LRFN2: variants seen among roughly 807,000 people sequenced by gnomAD.
LRFN2 encodes leucine rich repeat and fibronectin type III domain containing 2.
LRFN2 carries 18 observed loss-of-function variants against 37.3 expected under a neutral mutation model. The ratio of observed to expected loss-of-function variants is 0.48; its 90% CI spans 0.33 to 0.72. The LOEUF is 0.72. Ranked by LOEUF, LRFN2 falls within the 30% of genes least tolerant of loss-of-function variation. LRFN2 has a pLI of 0.02. For missense variants in LRFN2, 1,006 were observed against 1,060.7 expected (o/e 0.95, Z 0.72); for synonymous variants, 556 against 466.6 (o/e 1.19, Z -2.47).
At chr6:40,512,306 C>A (rs1292729389) in intron 1 of LRFN2, among the ~76,000 whole-genome samples, 1 of 152,214 alleles carries the variant, frequency 6.6e-6, no homozygotes, top group Admixed American at 6.5e-5. Flanking sequence ...AACACTGCCA[C>A]ATTCTGTCAA....
chr6:40,545,394 A>G (rs1230206518), intron 1 of LRFN2, among the ~76,000 whole-genome samples: 1 of 152,200 alleles, frequency 6.6e-6, no homozygotes. Flanking sequence ...ACTCACTCAT[A>G]ATGCAGAGCA....
At chr6:40,461,602 C>T (rs992468280) in intron 1 of LRFN2, among the ~76,000 whole-genome samples, 6 of 148,700 alleles carry the variant, frequency 4.0e-5, no homozygotes, top group African/African-American at 1.2e-4. Context: ...AAAAAAAAAC[C>T]CTCCCTTCAA....
chr6:40,403,448 CTG>C (rs1399940872), intron 2 of LRFN2, among the ~76,000 whole-genome samples: 18 of 152,142 alleles, frequency 1.2e-4, no homozygotes, highest in African/African-American at 4.3e-4. Context: ...GGGCTGGCCT[CTG>C]TCCCTGTTCT....
At chr6:40,500,977 A>G (rs1765368824) in intron 1 of LRFN2, among the ~76,000 whole-genome samples, 1 of 146,476 alleles carries the variant, frequency 6.8e-6, no homozygotes. Context: ...CATTGAGCAT[A>G]TATTACTCTA....
chr6:40,584,814 T>TG (rs949599550), intron 1 of LRFN2, among the ~76,000 whole-genome samples: 13 of 149,728 alleles, frequency 8.7e-5, no homozygotes, highest in Non-Finnish European at 1.5e-5. Context: ...CCAGAATCCC[T>TG]GTTTTTTTTT....
intron 1 of LRFN2, among the ~76,000 whole-genome samples, chr6:40,562,780 G>A (rs939982293): frequency 2.0e-5 from 3 of 151,648 alleles, no homozygotes; most frequent in Non-Finnish European, 2.9e-5. Context: ...TGACTCCTAA[G>A]CCTCCATGGT....
intron 1 of LRFN2, among the ~76,000 whole-genome samples, chr6:40,545,320 G>T (rs1766637713): frequency 6.6e-6 from 1 of 152,250 alleles, no homozygotes; most frequent in African/African-American, 2.4e-5. Flanking sequence ...ACAGAATGAA[G>T]GTGGTGTGGT....
intron 1 of LRFN2, among the ~76,000 whole-genome samples, chr6:40,517,824 C>A (rs543775341): frequency 2.0e-5 from 3 of 152,134 alleles, no homozygotes; most frequent in South Asian, 2.1e-4. Context: ...GGATTAACTG[C>A]CCTTTGGAAT....
At chr6:40,503,316 G>C (rs552138525) in intron 1 of LRFN2, among the ~76,000 whole-genome samples, 1 of 152,166 alleles carries the variant, frequency 6.6e-6, no homozygotes, top group African/African-American at 2.4e-5. Context: ...ACTGGAGAGA[G>C]ATCAGTTCTC....
intron 1 of LRFN2, among the ~76,000 whole-genome samples, chr6:40,562,761 C>T (rs879558580): frequency 5.3e-5 from 8 of 151,824 alleles, no homozygotes; most frequent in Non-Finnish European, 1.2e-4. Flanking sequence ...TGAAGACATT[C>T]CTAGAAATTG....
At chr6:40,434,464 C>G (rs1358571578) in intron 1 of LRFN2, among the ~76,000 whole-genome samples, 1 of 151,622 alleles carries the variant, frequency 6.6e-6, no homozygotes, top group African/African-American at 2.4e-5. Flanking sequence ...CAGCATTTCT[C>G]AAATTGCCTT....
chr6:40,531,293 A>G (rs1766336537), intron 1 of LRFN2, among the ~76,000 whole-genome samples: 1 of 152,204 alleles, frequency 6.6e-6, no homozygotes, highest in Admixed American at 6.5e-5. Context: ...TCGGTTGTTC[A>G]TGACTGTTGC....
chr6:40,392,411 C>A lies in LRFN2; in HGVS notation c.1902G>T (p.Gly634=). 6.4e-7 allele frequency: 1 copy of A among 1,569,838 alleles called. No homozygotes were observed. The change falls in exon 3 of 3, where the codon GGG becomes GGT. Residue 634 remains glycine (G), a synonymous_variant. Coordinates refer to ENST00000338305, the MANE Select transcript of LRFN2 (RefSeq NM_020737.3). The surrounding 1 kb of genome is among the most constrained non-coding windows in gnomAD (Gnocchi z 4.7). ...SSSLGSGEAA[G]LGRAPWRIPP... is the part of the protein sequence containing the mutation. ...GGATCCTCCAGGGGGCCCGTCCCAGCCCCGCAGCCTCCCCACTGCCCAGGG... is the reference window on the plus strand; with the variant it reads ...GGATCCTCCAGGGGGCCCGTCCCAGACCCGCAGCCTCCCCACTGCCCAGGG...
intron 2 of LRFN2, among the ~76,000 whole-genome samples, chr6:40,411,916 G>A (rs1490471427): frequency 6.6e-6 from 1 of 152,108 alleles, no homozygotes; most frequent in Non-Finnish European, 1.5e-5. Flanking sequence ...AGGATTGCCA[G>A]CTGTTTTGTT....
chr6:40,571,348 TG>T (rs768351308), intron 1 of LRFN2, among the ~76,000 whole-genome samples: 2 of 152,196 alleles, frequency 1.3e-5, no homozygotes, highest in Non-Finnish European at 2.9e-5. Context: ...TTCATTGATC[TG>T]GGGACTTCAC....
intron 1 of LRFN2, among the ~76,000 whole-genome samples, chr6:40,470,903 C>A (rs997773893): frequency 6.6e-6 from 1 of 152,178 alleles, no homozygotes; most frequent in Non-Finnish European, 1.5e-5. Context: ...CCACAGATGC[C>A]TGGAATGTCA....
At chr6:40,403,256 T>A (rs1762777484) in intron 2 of LRFN2, among the ~76,000 whole-genome samples, 2 of 152,182 alleles carry the variant, frequency 1.3e-5, no homozygotes, top group Non-Finnish European at 2.9e-5. Flanking sequence ...TTGTACAGCC[T>A]ACTGGTGACT....
chr6:40,455,163 T>G (rs1312888362), intron 1 of LRFN2, among the ~76,000 whole-genome samples: 2 of 152,260 alleles, frequency 1.3e-5, no homozygotes, highest in Non-Finnish European at 2.9e-5. Flanking sequence ...TTCCTCTTTA[T>G]TCTCATGGTT....
In LRFN2 at chr6:40,392,062, T is replaced by A; in HGVS notation, c.2251A>T (p.Ile751Phe). 2 of 1,613,996 alleles carry A rather than the reference T, an allele frequency of 1.2e-6. No individual in the cohort carries two copies. Among genetic ancestry groups the A allele is most frequent in the South Asian group, 2.2e-5 (2 of 91,038 alleles). Residue 751 changes from isoleucine to phenylalanine, a missense_variant, in exon 3 of 3, where the codon ATC becomes TTC. Coordinates refer to ENST00000338305, the MANE Select transcript of LRFN2 (RefSeq NM_020737.3). This position sits in a 1 kb window ranked among gnomAD's most constrained non-coding sequence, Gnocchi z 4.7. Reference protein sequence around the residue: ...GYSPPRKVSNIWTKRSLSVNG... With the variant: ...GYSPPRKVSNFWTKRSLSVNG... ...ACAGAGAGGCTGCGCTTCGTCCAGATGTTCGAGACCTTCCGAGGAGGACTG... is the reference window on the plus strand; with the variant it reads ...ACAGAGAGGCTGCGCTTCGTCCAGAAGTTCGAGACCTTCCGAGGAGGACTG...
Sources: allele counts gnomAD v4.1 joint callset (sites outside exome capture counted in the v4.1 genomes callset), GRCh38; gene constraint gnomAD v4.1.1; non-coding constraint Gnocchi (gnomAD v3.1); transcripts MANE v1.5; gene names NCBI Gene and HGNC (gene_info 2026-07-23, HGNC 2026-07-21).